Variants in EFL1 observed in about 807,000 individuals in gnomAD.
EFL1 encodes the protein elongation factor like GTPase 1, also known as elongation factor-like GTPase 1.
In EFL1, 76 loss-of-function variants were observed where a neutral mutation model predicts 126.7. That is an observed-to-expected ratio of 0.60 (90% confidence interval 0.50 to 0.73). EFL1 has a LOEUF of 0.73. EFL1 is among the 30% of genes least tolerant of loss of function. The pLI is 0.00. For missense variants in EFL1, 1,128 were observed against 1,343.2 expected (o/e 0.84, Z 2.50); for synonymous variants, 410 against 448.4 (o/e 0.91, Z 1.08).
At chr15:82,235,575 TAAC>T (rs1219293167) in intron 7 of EFL1, among the ~76,000 whole-genome samples, 3 of 152,132 alleles carry the variant, frequency 2.0e-5, no homozygotes, top group Non-Finnish European at 4.4e-5. Flanking sequence ...TATACCATAT[TAAC>T]AAGCTAAAGA....
intron 5 of EFL1, 34 bp from the exon 6 acceptor site, chr15:82,240,589 T>C: frequency 2.5e-6 from 4 of 1,609,560 alleles, no homozygotes; most frequent in South Asian, 1.1e-5. Context: ...GTAAAACTCA[T>C]GATTTGAAAT....
Position 82,163,889 on chromosome 15 carries a change from G to A in EFL1, c.1846C>T (p.Pro616Ser), listed in dbSNP as rs759278943. Residue 616 changes from proline (P) to serine (S), a missense_variant, in exon 16 of 20, where the codon CCT becomes TCT. Pro to Ser is a moderately conservative substitution (Grantham distance 74). This residue lies in a region of EFL1 where 561 missense variants were observed against 641.7 expected (regional missense o/e 0.87). Coordinates refer to ENST00000268206, the MANE Select transcript of EFL1 (RefSeq NM_024580.6). ...GGTTCAACAGCAACTCTCACAATAG[G>A]AGTGGCTTCGAAGTTGAGTGGTATA... ...PFIPLNFEAT[P>S]IVRVAVEPKH... is the part of the protein sequence containing the mutation. 2 of 1,614,114 alleles carry A rather than the reference G, an allele frequency of 1.2e-6. No individual in the cohort carries two copies. The highest frequency in any genetic ancestry group is 3.3e-5 in the Admixed American group (2 of 60,014).
At chr15:82,240,626 T>C (rs2074921539) in intron 5 of EFL1, 71 bp from the exon 6 acceptor site, 8 of 1,557,352 alleles carry the variant, frequency 5.1e-6, no homozygotes, top group Non-Finnish European at 7.0e-6. Context: ...AAAATCGTGA[T>C]TAATAACCAC....
At chr15:82,212,658 C>T (rs141557819) in intron 15 of EFL1, among the ~76,000 whole-genome samples, 2,732 of 152,230 alleles carry the variant, frequency 0.018, 28 homozygotes, top group Non-Finnish European at 0.026. Context: ...TTAATGGAGG[C>T]ACCTCAGGCA....
Position 82,238,445 on chromosome 15 carries a change from A to C in EFL1, c.593T>G (p.Val198Gly), listed in dbSNP as rs200327900. 8.7e-6 allele frequency: 14 copies of C among 1,613,962 alleles called. 1 individual carries two copies. In the Middle Eastern group the frequency reaches 6.6e-4, roughly 76 times the overall value. ...ERAERETESQ[V>G]NPNSEQGEQV... Reference sequence around the variant, plus strand: ...CTCTCCTTGTTCAGAATTTGGATTCACTTGGGATTCAGTCTCCCTCTCTGC... The same window carrying C: ...CTCTCCTTGTTCAGAATTTGGATTCCCTTGGGATTCAGTCTCCCTCTCTGC... Residue 198 changes from valine to glycine, a missense_variant, in exon 7 of 20, where the codon GTG becomes GGG. Val to Gly is a moderately radical substitution (Grantham distance 109). This residue lies in a region of EFL1 where 316 missense variants were observed against 318.5 expected (regional missense o/e 0.99). Transcript: ENST00000268206.
rs1295041094 is a variant in EFL1 at position 82,261,668 on chromosome 15, C to T, written c.91+20G>A. On this transcript the variant is annotated intron_variant, in intron 2 of 19. Transcript: ENST00000268206. ...ATCTCCCTTATTTATCAAAATAAGCCATTTAAAAAGTATTCTTACCATGGT... is the reference window on the plus strand; with the variant it reads ...ATCTCCCTTATTTATCAAAATAAGCTATTTAAAAAGTATTCTTACCATGGT... 6.2e-7 allele frequency: 1 copy of T among 1,608,746 alleles called. No individual in the cohort carries two copies. The highest frequency in any genetic ancestry group is 8.5e-7 in the Non-Finnish European group (1 of 1,176,310).
intron 14 of EFL1, among the ~76,000 whole-genome samples, chr15:82,215,915 G>A (rs1405791154): frequency 6.6e-6 from 1 of 152,050 alleles, no homozygotes; most frequent in Non-Finnish European, 1.5e-5. Context: ...AAGATGGGCT[G>A]GAGAGATAGA....
chr15:82,180,359 C>CAAAAAAAAAAAACAAAAAAAAAAAAAA (rs2074237032), intron 15 of EFL1, among the ~76,000 whole-genome samples: 1 of 120,610 alleles, frequency 8.3e-6, no homozygotes, highest in African/African-American at 3.4e-5. Context: ...ATTAAACTGG[C>CAAAAAAAAAAAACAAAAAAAAAAAAAA]AAAAAAAAAA....
intron 11 of EFL1, among the ~76,000 whole-genome samples, chr15:82,225,802 C>T (rs566920433): frequency 1.3e-5 from 2 of 152,134 alleles, no homozygotes; most frequent in Non-Finnish European, 2.9e-5. Context: ...CCAATTCTCC[C>T]TAAATACACA....
intron 7 of EFL1, among the ~76,000 whole-genome samples, chr15:82,236,266 C>A (rs1485109124): frequency 6.6e-6 from 1 of 152,132 alleles, no homozygotes; most frequent in Non-Finnish European, 1.5e-5. Context: ...GTTTACCAAT[C>A]AATTTCCATC....
At chr15:82,241,126 T>C (rs2074926627) in intron 5 of EFL1, 144 bp downstream of exon 5, 2 of 887,754 alleles carry the variant, frequency 2.3e-6, no homozygotes, top group Non-Finnish European at 3.4e-6. Context: ...CTCTGGTGAT[T>C]TAACTCCTTC....
chr15:82,184,286 G>A (rs768746618), intron 15 of EFL1, among the ~76,000 whole-genome samples: 1 of 152,138 alleles, frequency 6.6e-6, no homozygotes, highest in Non-Finnish European at 1.5e-5. Flanking sequence ...GCAGAAGCAT[G>A]AGGTAAGTAA....
intron 7 of EFL1, among the ~76,000 whole-genome samples, chr15:82,235,037 A>G (rs1371855783): frequency 2.6e-5 from 4 of 152,128 alleles, no homozygotes; most frequent in South Asian, 2.1e-4. Context: ...GGGAGAGGCA[A>G]TAAGAAGAAA....
chr15:82,177,707 G>C (rs1271541594), intron 15 of EFL1, among the ~76,000 whole-genome samples: 1 of 152,162 alleles, frequency 6.6e-6, no homozygotes, highest in Admixed American at 6.5e-5. Flanking sequence ...CTCTACTGCT[G>C]CCTTTATTTA....
chr15:82,185,359 T>C (rs1344013928), intron 15 of EFL1, among the ~76,000 whole-genome samples: 1 of 151,890 alleles, frequency 6.6e-6, no homozygotes, highest in Non-Finnish European at 1.5e-5. Context: ...GTGTGACTAT[T>C]AAATAAAATT....
rs1596019610 is a variant in EFL1 at position 82,262,588 on chromosome 15, A to G, written c.-20+26T>C. The G allele has an allele frequency of 1.2e-5, 4 of 343,182 alleles. No individual in the cohort carries two copies. The East Asian group carries it at 3.6e-4, about 31-fold the overall frequency. 21.3% of individuals were successfully genotyped at this position (343,182 alleles called of 1,614,324 possible). ...CCCAAAGGCTGGCCTAGGAGGTTCC[A>G]GCCCCCAGCGCCAGCCCACACTCAC... On this transcript the variant is annotated intron_variant, in intron 1 of 19. Transcript: ENST00000268206.
At chr15:82,232,270 T>G (rs1595998902) in intron 7 of EFL1, among the ~76,000 whole-genome samples, 1 of 152,226 alleles carries the variant, frequency 6.6e-6, no homozygotes, top group Non-Finnish European at 1.5e-5. Flanking sequence ...ATTGGCGACT[T>G]GGGTCTATTC....
intron 6 of EFL1, among the ~76,000 whole-genome samples, chr15:82,239,653 T>C (rs565256792): frequency 2.6e-5 from 4 of 152,374 alleles, no homozygotes; most frequent in South Asian, 2.1e-4. Context: ...CTTGTAACTG[T>C]TGCAAACGAT....
In EFL1 at chr15:82,168,534, G is replaced by A. The variant is rs77360948; in HGVS notation, c.1751-4550C>T. ...TTTTCTGTCTGTTTGTTTTTGAGAC[G>A]GAATCTCGCCCTGTTGCCCAGACTG... is the stretch of plus-strand genomic sequence containing the variant. On this transcript the variant is annotated intron_variant, in intron 15 of 19. Transcript: ENST00000268206. Among the ~76,000 whole-genome samples, 234 of 152,236 alleles carry A rather than the reference G, an allele frequency of 1.5e-3. 5 individuals are homozygous for A. In the East Asian group the frequency reaches 0.036, roughly 24 times the overall value.
Sources: gnomAD v4.1 joint callset for allele counts (sites outside exome capture counted in the v4.1 genomes callset) on GRCh38, gnomAD v4.1.1 for gene constraint, gnomAD v4.1.1 regional missense constraint, MANE v1.5 for transcripts, NCBI Gene and HGNC (gene_info 2026-07-23, HGNC 2026-07-21) for gene names.